EFCAB6: variants seen among roughly 807,000 people sequenced by gnomAD.
EFCAB6 encodes the protein EF-hand calcium-binding domain-containing protein 6.
In EFCAB6, 156 loss-of-function variants were observed where a neutral mutation model predicts 169.8. That is an observed-to-expected ratio of 0.92 (90% CI 0.81 to 1.05). The LOEUF is 1.05. Among genes scored for constraint, EFCAB6 ranks in the 50% least tolerant of loss-of-function variants. EFCAB6 has a pLI of 0.00. For synonymous variants in EFCAB6, 698 were observed against 676.4 expected (o/e 1.03, Z -0.50); for missense variants, 1,800 against 1,829.1 (o/e 0.98, Z 0.29).
chr22:43,784,383 G>A (rs1283242494), intron 2 of EFCAB6, among the ~76,000 whole-genome samples: 1 of 150,556 alleles, frequency 6.6e-6, no homozygotes. Context: ...AGGTGCAGTG[G>A]CTCATGCCTG....
intron 4 of EFCAB6, among the ~76,000 whole-genome samples, chr22:43,772,123 G>A (rs574460053): frequency 2.0e-5 from 3 of 152,180 alleles, no homozygotes; most frequent in Non-Finnish European, 4.4e-5. Context: ...CCACCCTGTC[G>A]TGGCCCCTCT....
chr22:43,809,985 A>G (rs28377572), intron 1 of EFCAB6, among the ~76,000 whole-genome samples: 17,112 of 152,128 alleles, frequency 0.11, 1,188 homozygotes, highest in Middle Eastern at 0.2. Context: ...ACTGCAACCT[A>G]AAACTCTTGG....
intron 20 of EFCAB6, among the ~76,000 whole-genome samples, chr22:43,617,310 C>T (rs748509088): frequency 6.6e-6 from 1 of 152,236 alleles, no homozygotes; most frequent in East Asian, 1.9e-4. Context: ...AGAGGACTCA[C>T]CTGAACCTCC....
chr22:43,647,822 G>A (rs1253633878), intron 17 of EFCAB6, among the ~76,000 whole-genome samples: 1 of 152,220 alleles, frequency 6.6e-6, no homozygotes, highest in African/African-American at 2.4e-5. Flanking sequence ...GCAGCTACAG[G>A]CCGAGGGATG....
intron 5 of EFCAB6, among the ~76,000 whole-genome samples, chr22:43,763,088 G>A (rs1452860991): frequency 6.6e-6 from 1 of 152,030 alleles, no homozygotes; most frequent in Non-Finnish European, 1.5e-5. Flanking sequence ...ACCCAGGCTG[G>A]AGTGCAGTGG....
At chr22:43,773,197 T>G (rs2147979698) in intron 3 of EFCAB6, 94 bp from the exon 4 acceptor site, 2 of 1,221,050 alleles carry the variant, frequency 1.6e-6, no homozygotes, top group East Asian at 5.0e-5. Context: ...AGAAAACTTA[T>G]TAGATGGTAT....
Position 43,806,221 on chromosome 22 carries a change from GAGA to G in EFCAB6, c.-8+2771_-8+2773del, listed in dbSNP as rs951568902. Among the ~76,000 whole-genome samples the G allele has an allele frequency of 3.7e-3, 563 of 151,370 alleles. 4 individuals carry two copies. Among genetic ancestry groups the G allele is most frequent in the African/African-American group, 0.013 (537 of 41,054 alleles). On this transcript the variant is annotated intron_variant, in intron 2 of 31. Coordinates refer to ENST00000262726, the MANE Select transcript of EFCAB6 (RefSeq NM_022785.4). ...GGGGAGGGGAGGGGAAGGGAAAAAA[GAGA>G]AGAAGCAATGCTTCTCCAGGGCATA...
At chr22:43,645,486 C>A (rs2056098458) in intron 17 of EFCAB6, among the ~76,000 whole-genome samples, 1 of 152,042 alleles carries the variant, frequency 6.6e-6, no homozygotes, top group African/African-American at 2.4e-5. Context: ...TGACTGTAGT[C>A]CCAAAAAAGC....
At chr22:43,765,266 C>A (rs760728047) in intron 5 of EFCAB6, 39 bp downstream of exon 5, 37 of 1,524,028 alleles carry the variant, frequency 2.4e-5, no homozygotes, top group Non-Finnish European at 3.2e-5. Context: ...CTCATCATTT[C>A]AAATTTCACA....
At chr22:43,643,110 C>T (rs868089630) in intron 17 of EFCAB6, among the ~76,000 whole-genome samples, 3 of 152,156 alleles carry the variant, frequency 2.0e-5, no homozygotes, top group African/African-American at 4.8e-5. Flanking sequence ...TCCCAAGGAT[C>T]GCCACGAAAG....
At chr22:43,539,497 G>C (rs1028924163) in intron 28 of EFCAB6, among the ~76,000 whole-genome samples, 5 of 152,190 alleles carry the variant, frequency 3.3e-5, no homozygotes, top group African/African-American at 1.2e-4. Flanking sequence ...AGTGATGGTG[G>C]CTTCATGTGC....
At chr22:43,639,889 C>CG (rs1214378025) in intron 17 of EFCAB6, among the ~76,000 whole-genome samples, 3 of 152,214 alleles carry the variant, frequency 2.0e-5, no homozygotes, top group Middle Eastern at 6.8e-3. Context: ...AATCTATCCT[C>CG]GGGCTCATTG....
At chr22:43,687,689 A>G in intron 10 of EFCAB6, 108 bp from the exon 11 acceptor site, 1 of 584,450 alleles carries the variant, frequency 1.7e-6, no homozygotes, top group Non-Finnish European at 2.9e-6. Context: ...ATGCATTTAT[A>G]TGAAGTTTCA....
At chr22:43,650,801 A>C (rs2056430903) in intron 17 of EFCAB6, among the ~76,000 whole-genome samples, 1 of 152,198 alleles carries the variant, frequency 6.6e-6, no homozygotes, top group African/African-American at 2.4e-5. Context: ...ACTGGAGCAA[A>C]GGTGACTTGT....
chr22:43,591,285 G>A (rs1241213923), intron 23 of EFCAB6, among the ~76,000 whole-genome samples: 4 of 150,920 alleles, frequency 2.7e-5, no homozygotes, highest in South Asian at 4.2e-4. Flanking sequence ...GTGAAACCCC[G>A]TCTCTCCTAA....
intron 24 of EFCAB6, among the ~76,000 whole-genome samples, chr22:43,587,575 T>C (rs2051159999): frequency 6.6e-6 from 1 of 152,202 alleles, no homozygotes; most frequent in Non-Finnish European, 1.5e-5. Flanking sequence ...CCTGGTCACA[T>C]GGCCTTCTCT....
chr22:43,656,966 A>G (rs12627771), intron 17 of EFCAB6, among the ~76,000 whole-genome samples: 12,570 of 152,180 alleles, frequency 0.083, 653 homozygotes, highest in South Asian at 0.16. Context: ...CAGAGAACAC[A>G]CGTTCTTTTC....
intron 10 of EFCAB6, among the ~76,000 whole-genome samples, chr22:43,695,362 G>C (rs2058538886): frequency 6.6e-6 from 1 of 151,944 alleles, no homozygotes; most frequent in Non-Finnish European, 1.5e-5. Context: ...AATTAAATAA[G>C]TGGAAAGTAG....
At chr22:43,548,508 C>A (rs1304109295) in intron 27 of EFCAB6, among the ~76,000 whole-genome samples, 2 of 127,630 alleles carry the variant, frequency 1.6e-5, no homozygotes, top group African/African-American at 3.0e-5. Flanking sequence ...CCACTGCACC[C>A]CGGTCTGGGT....
Sources: gnomAD v4.1 joint callset for allele counts (sites outside exome capture counted in the v4.1 genomes callset) on GRCh38, gnomAD v4.1.1 for gene constraint, MANE v1.5 for transcripts, NCBI Gene and HGNC (gene_info 2026-07-23, HGNC 2026-07-21) for gene names.